Variants in MPPED2 observed in about 807,000 individuals in gnomAD.
MPPED2 encodes metallophosphoesterase domain containing 2, also known as metallophosphoesterase MPPED2.
Under a neutral mutation model 33.0 loss-of-function variants are expected in MPPED2, and 5 were observed. The ratio of observed to expected loss-of-function variants is 0.15; its 90% CI spans 0.08 to 0.32. MPPED2 has a LOEUF of 0.32. MPPED2 is among the 10% of genes least tolerant of loss of function. MPPED2 has a pLI of 1.00. For synonymous variants in MPPED2, 136 were observed against 141.9 expected (o/e 0.96, Z 0.29); for missense variants, 275 against 372.1 (o/e 0.74, Z 2.15).
chr11:30,483,112 C>T lies in MPPED2; in HGVS notation c.536+12184G>A, dbSNP rs142687783. Among the ~76,000 whole-genome samples the T allele has an allele frequency of 3.0e-3, 462 of 152,242 alleles. 2 individuals carry two copies. The highest frequency in any genetic ancestry group is 4.4e-3 in the Non-Finnish European group (300 of 68,020). Reference sequence around the variant, plus strand: ...CCGGCAACCACACAGAATTTGCCTCCGGTAAGAATTATTTAAAAGCGTAAA... The same window carrying T: ...CCGGCAACCACACAGAATTTGCCTCTGGTAAGAATTATTTAAAAGCGTAAA... On this transcript the variant is annotated intron_variant, in intron 4 of 6. Transcript: ENST00000358117.
chr11:30,451,796 G>A (rs776888947), intron 4 of MPPED2: 139 of 985,232 alleles, frequency 1.4e-4, no homozygotes, highest in Middle Eastern at 1.0e-3. Flanking sequence ...AGGTGTCTGC[G>A]AATGACTGCA....
chr11:30,536,212 A>G (rs748186519), intron 2 of MPPED2, 37 bp from the exon 3 acceptor site: 1 of 1,471,742 alleles, frequency 6.8e-7, no homozygotes. Flanking sequence ...ACAGTTAAAC[A>G]TATTAGAACC....
At chr11:30,569,122 C>T (rs1956578711) in intron 2 of MPPED2, among the ~76,000 whole-genome samples, 1 of 152,024 alleles carries the variant, frequency 6.6e-6, no homozygotes, top group Admixed American at 6.6e-5. Flanking sequence ...AACAGTGGAG[C>T]GTGCCGACAG....
chr11:30,527,683 C>T (rs1273813027), intron 3 of MPPED2, among the ~76,000 whole-genome samples: 1 of 152,116 alleles, frequency 6.6e-6, no homozygotes, highest in Non-Finnish European at 1.5e-5. Context: ...TTTCTGGTGG[C>T]CAGGTAGGGC....
intron 2 of MPPED2, among the ~76,000 whole-genome samples, chr11:30,579,192 G>A (rs1408421581): frequency 1.3e-5 from 2 of 151,132 alleles, no homozygotes; most frequent in African/African-American, 4.9e-5. Flanking sequence ...TCCAGGGTGG[G>A]GGGGTGTGTG....
chr11:30,551,113 C>T (rs1200994249), intron 2 of MPPED2, among the ~76,000 whole-genome samples: 1 of 152,146 alleles, frequency 6.6e-6, no homozygotes, highest in Admixed American at 6.6e-5. Context: ...GGTTGAGTGA[C>T]TTGTTCATGG....
At chr11:30,457,828 A>G (rs1950342883) in intron 4 of MPPED2, among the ~76,000 whole-genome samples, 1 of 152,208 alleles carries the variant, frequency 6.6e-6, no homozygotes, top group Non-Finnish European at 1.5e-5. Context: ...ACTTGTGGCC[A>G]GCCAAACTCA....
intron 4 of MPPED2, among the ~76,000 whole-genome samples, chr11:30,418,157 A>G (rs1248805679): frequency 2.6e-5 from 4 of 152,174 alleles, no homozygotes; most frequent in Non-Finnish European, 5.9e-5. Flanking sequence ...GATGGTTTGA[A>G]TACCCTGGAG....
chr11:30,414,408 A>C, intron 5 of MPPED2, 67 bp from the exon 6 acceptor site: 1 of 1,008,260 alleles, frequency 9.9e-7, no homozygotes, highest in Non-Finnish European at 1.6e-6. Context: ...TTAGACTTTC[A>C]GGAAGCCATA....
At chr11:30,562,697 A>C (rs1590869276) in intron 2 of MPPED2, among the ~76,000 whole-genome samples, 1 of 151,740 alleles carries the variant, frequency 6.6e-6, no homozygotes, top group Admixed American at 6.6e-5. Context: ...TGTACTAGAA[A>C]CCAGCAGTTC....
chr11:30,386,668 A>G, exon 7 of MPPED2: 1 of 398,520 alleles, frequency 2.5e-6, no homozygotes, highest in Non-Finnish European at 4.4e-6. Flanking sequence ...CAAATAAATG[A>G]ATGAACAGAA....
downstream of MPPED2, chr11:30,384,474 C>CTTTTTTTTTT (rs200252636): frequency 1.5e-5 from 2 of 131,348 alleles, no homozygotes; most frequent in African/African-American, 2.9e-5. Flanking sequence ...TTTCTTTTTT[C>CTTTTTTTTTT]TTTTTTTTTT....
intron 4 of MPPED2, among the ~76,000 whole-genome samples, chr11:30,466,869 T>A (rs186087686): frequency 1.4e-4 from 21 of 152,310 alleles, no homozygotes. Context: ...CCAACTCTGG[T>A]AACAACGGGA....
chr11:30,485,895 TG>T (rs1270692396), intron 4 of MPPED2, among the ~76,000 whole-genome samples: 1 of 152,136 alleles, frequency 6.6e-6, no homozygotes, highest in Non-Finnish European at 1.5e-5. Flanking sequence ...GGGCTTCTCC[TG>T]TATGAAGCAC....
In MPPED2 at chr11:30,438,731, C is replaced by A. The variant is rs192925312; in HGVS notation, c.537-21098G>T. The stretch of plus-strand genomic sequence containing the variant: ...CTACCTGCCAGAATTATTTTGAGAT[C>A]AATGAAGATAATAAGGGCAGCCCTA... On this transcript the variant is annotated intron_variant, in intron 4 of 6. Coordinates refer to ENST00000358117, the MANE Select transcript of MPPED2 (RefSeq NM_001584.3). Among the ~76,000 whole-genome samples, 6 of 152,274 alleles carry A rather than the reference C, an allele frequency of 3.9e-5. No individual in the cohort carries two copies. The East Asian group carries it at 1.2e-3, about 29-fold the overall frequency.
intron 6 of MPPED2, among the ~76,000 whole-genome samples, chr11:30,389,958 T>C (rs1306991654): frequency 6.6e-6 from 1 of 152,162 alleles, no homozygotes. Flanking sequence ...AGCTACTCAA[T>C]ATCTTCATGG....
At chr11:30,493,383 A>AAAG (rs1554981625) in intron 4 of MPPED2, among the ~76,000 whole-genome samples, 2 of 151,956 alleles carry the variant, frequency 1.3e-5, no homozygotes, top group Non-Finnish European at 1.5e-5. Context: ...AAAAAAAAAA[A>AAAG]AAAAGAAAAT....
intron 2 of MPPED2, among the ~76,000 whole-genome samples, chr11:30,542,258 A>C (rs1955161975): frequency 6.6e-6 from 1 of 152,180 alleles, no homozygotes. Context: ...CTGAAAAACA[A>C]CATCTTTGAA....
intron 4 of MPPED2, among the ~76,000 whole-genome samples, chr11:30,475,414 AC>A (rs888168480): frequency 4.1e-4 from 62 of 152,012 alleles, no homozygotes; most frequent in Admixed American, 1.3e-4. Flanking sequence ...CATTTTTTTC[AC>A]CCCCAGTATA....
Sources: allele counts gnomAD v4.1 joint callset (sites outside exome capture counted in the v4.1 genomes callset), GRCh38; gene constraint gnomAD v4.1.1; transcripts MANE v1.5; gene names NCBI Gene and HGNC (gene_info 2026-07-23, HGNC 2026-07-21).